The following CDH13 variants were observed in gnomAD, a reference collection of about 807,000 sequenced individuals.
The protein encoded by CDH13 is cadherin-13.
Under a neutral mutation model 63.8 loss-of-function variants are expected in CDH13, and 24 were observed. The ratio of observed to expected loss-of-function variants is 0.38; its 90% confidence interval spans 0.27 to 0.53. The LOEUF (loss-of-function observed/expected upper bound fraction) is 0.53. Among genes scored for constraint, CDH13 ranks in the 20% least tolerant of loss-of-function variants. The pLI, the probability that CDH13 is intolerant of heterozygous loss-of-function variation, is 0.85. For missense variants in CDH13, 1,049 were observed against 903.1 expected (o/e 1.16, Z -2.07); for synonymous variants, 503 against 355.3 (o/e 1.42, Z -4.67).
At position 83,217,464 on chromosome 16, in the gene CDH13, G is replaced by C; in HGVS notation, c.603G>C (p.Arg201=). ...NENTGSVSVT[R]TLDREVIAVY... ...ACACAGGGAGCGTCTCCGTGACACG[G>C]ACCTTGGACAGAGAAGTAATCGCTG... The change falls in exon 5 of 14, where the codon CGG becomes CGC. Residue 201 remains arginine, a synonymous_variant. Transcript: ENST00000567109. 6.2e-7 allele frequency: 1 copy of C among 1,613,846 alleles called. No homozygotes were observed. The highest frequency in any genetic ancestry group is 8.5e-7 in the Non-Finnish European group (1 of 1,179,802).
chr16:83,746,376 C>G (rs1450673986), intron 10 of CDH13, among the ~76,000 whole-genome samples: 1 of 152,186 alleles, frequency 6.6e-6, no homozygotes, highest in Non-Finnish European at 1.5e-5. Flanking sequence ...CTGCCTCCCC[C>G]TGAGGACACT....
intron 11 of CDH13, among the ~76,000 whole-genome samples, chr16:83,766,161 C>G (rs1436256593): frequency 2.0e-5 from 3 of 152,168 alleles, no homozygotes; most frequent in African/African-American, 7.2e-5. Context: ...TGTTCTGAGT[C>G]CCAGCTCTGC....
chr16:83,293,475 C>T (rs1009112907), intron 5 of CDH13, among the ~76,000 whole-genome samples: 1 of 152,126 alleles, frequency 6.6e-6, no homozygotes, highest in Non-Finnish European at 1.5e-5. Flanking sequence ...CTTTACAAAG[C>T]CACCTTCATA....
chr16:83,590,590 T>C (rs970342366), intron 7 of CDH13, among the ~76,000 whole-genome samples: 1 of 152,142 alleles, frequency 6.6e-6, no homozygotes, highest in South Asian at 2.1e-4. Context: ...CTGTTTTTTC[T>C]CGAAATGGAC....
chr16:83,596,559 C>A (rs529185946), intron 7 of CDH13, among the ~76,000 whole-genome samples: 1 of 152,190 alleles, frequency 6.6e-6, no homozygotes, highest in South Asian at 2.1e-4. Flanking sequence ...TCTCTTCCAG[C>A]AGAGTAACAA....
chr16:83,279,312 G>A (rs1177838449), intron 5 of CDH13, among the ~76,000 whole-genome samples: 2 of 152,134 alleles, frequency 1.3e-5, no homozygotes, highest in African/African-American at 4.8e-5. Flanking sequence ...TTTGTTAGTA[G>A]AGATTTACAT....
intron 6 of CDH13, among the ~76,000 whole-genome samples, chr16:83,476,788 A>G (rs1179907778): frequency 6.6e-6 from 1 of 152,234 alleles, no homozygotes; most frequent in Non-Finnish European, 1.5e-5. Context: ...ACTTCAGGCT[A>G]ATTCAATATA....
At chr16:82,983,553 C>T (rs1181817515) in intron 2 of CDH13, among the ~76,000 whole-genome samples, 3 of 152,092 alleles carry the variant, frequency 2.0e-5, no homozygotes, top group Non-Finnish European at 4.4e-5. Flanking sequence ...AACTCCTTGG[C>T]ACCAAGAAGA....
At chr16:83,031,851 C>T (rs1916383771) in intron 2 of CDH13, among the ~76,000 whole-genome samples, 159 bp from the exon 3 acceptor site, 3 of 152,274 alleles carry the variant, frequency 2.0e-5, no homozygotes, top group Middle Eastern at 3.4e-3. Flanking sequence ...AGCACAAAGT[C>T]ACTTGGGCAC....
intron 10 of CDH13, 78 bp from the exon 11 acceptor site, chr16:83,748,030 G>A: frequency 6.7e-7 from 1 of 1,491,954 alleles, no homozygotes; most frequent in Non-Finnish European, 9.3e-7. Flanking sequence ...TAGCCTAGGA[G>A]CTCATGCCCT....
chr16:83,350,684 G>A (rs575947171), intron 6 of CDH13, among the ~76,000 whole-genome samples: 1 of 152,136 alleles, frequency 6.6e-6, no homozygotes, highest in African/African-American at 2.4e-5. Flanking sequence ...AGCTGAGGAG[G>A]GAGGATAGCA....
At chr16:83,155,422 G>C (rs909815850) in intron 4 of CDH13, among the ~76,000 whole-genome samples, 20 of 152,160 alleles carry the variant, frequency 1.3e-4, no homozygotes, top group African/African-American at 4.6e-4. Flanking sequence ...GGCAGTGAAG[G>C]CCAAGGTCTA....
intron 1 of CDH13, among the ~76,000 whole-genome samples, chr16:82,813,034 A>G (rs558657628): frequency 6.6e-6 from 1 of 152,276 alleles, no homozygotes; most frequent in African/African-American, 2.4e-5. Flanking sequence ...AACTGAGTCA[A>G]TGATGTAACA....
At chr16:82,911,239 G>A (rs2041819554) in intron 2 of CDH13, among the ~76,000 whole-genome samples, 1 of 152,158 alleles carries the variant, frequency 6.6e-6, no homozygotes, top group South Asian at 2.1e-4. Context: ...GGCATAATGT[G>A]GTCTGTGTGA....
At chr16:83,239,573 C>A (rs1404761713) in intron 5 of CDH13, among the ~76,000 whole-genome samples, 1 of 152,134 alleles carries the variant, frequency 6.6e-6, no homozygotes, top group African/African-American at 2.4e-5. Context: ...GTTCACAGCA[C>A]ACAAAGAAAA....
chr16:83,754,791 C>G (rs996551466), intron 11 of CDH13, among the ~76,000 whole-genome samples: 1 of 152,166 alleles, frequency 6.6e-6, no homozygotes, highest in Admixed American at 6.5e-5. Flanking sequence ...AATTAAACCT[C>G]TTTCTTTTTT....
chr16:83,366,082 C>T (rs1453360798), intron 6 of CDH13, among the ~76,000 whole-genome samples: 1 of 152,132 alleles, frequency 6.6e-6, no homozygotes, highest in South Asian at 2.1e-4. Context: ...AAAACTAATA[C>T]AGAATGTGGT....
At chr16:82,654,195 T>G (rs1245440767) in intron 1 of CDH13, among the ~76,000 whole-genome samples, 1 of 152,204 alleles carries the variant, frequency 6.6e-6, no homozygotes, top group Non-Finnish European at 1.5e-5. Context: ...GAGAGTCACC[T>G]AGAGATTCTG....
intron 4 of CDH13, among the ~76,000 whole-genome samples, chr16:83,189,293 C>T (rs2038623194): frequency 6.6e-6 from 1 of 152,170 alleles, no homozygotes; most frequent in Non-Finnish European, 1.5e-5. Flanking sequence ...CACAACTGCT[C>T]CTTTAGATCA....
Sources: gnomAD v4.1 joint callset for allele counts (sites outside exome capture counted in the v4.1 genomes callset) on GRCh38, gnomAD v4.1.1 for gene constraint, MANE v1.5 for transcripts, NCBI Gene and HGNC (gene_info 2026-07-23, HGNC 2026-07-21) for gene names.